SUSD4: variants seen among roughly 807,000 people sequenced by gnomAD.
SUSD4 encodes sushi domain-containing protein 4.
Under a neutral mutation model 50.5 loss-of-function variants are expected in SUSD4, and 41 were observed. That is an observed-to-expected ratio of 0.81 (90% confidence interval 0.63 to 1.05). The LOEUF (loss-of-function observed/expected upper bound fraction) is 1.05, where lower values mean the gene tolerates loss of function less well. Among genes scored for constraint, SUSD4 ranks in the 50% least tolerant of loss-of-function variants. The pLI, the probability that SUSD4 is intolerant of heterozygous loss-of-function variation, is 0.00. For synonymous variants in SUSD4, 257 were observed against 257.3 expected, an observed-to-expected ratio of 1.00 and a Z score of 0.01; for missense variants, 580 against 634.7, an observed-to-expected ratio of 0.91 and a Z score of 0.93.
chr1:223,221,057 A>G lies in SUSD4; in HGVS notation c.*1135T>C, dbSNP rs1207046822. On this transcript the variant is annotated 3_prime_UTR_variant, in exon 9 of 9. Transcript: ENST00000366878. Reference sequence around the variant, plus strand: ...TTAATCAATCAGTTTCTTAGGAACAACACCCAGTGGGCATGATGAGACCCT... The same window carrying G: ...TTAATCAATCAGTTTCTTAGGAACAGCACCCAGTGGGCATGATGAGACCCT... 3 of 400,866 alleles carry G rather than the reference A, an allele frequency of 7.5e-6. No homozygotes were observed. The highest frequency in any genetic ancestry group is 1.3e-5 in the Non-Finnish European group (3 of 226,256). 24.8% of individuals were successfully genotyped at this position (400,866 alleles called of 1,614,324 possible). A position where few individuals can be genotyped will look rare whatever the true frequency, so the allele number is the denominator to read the frequency against.
Position 223,264,746 on chromosome 1 carries a change from C to T in SUSD4, c.608G>A (p.Gly203Glu), listed in dbSNP as rs775824594. 1 of 1,614,118 alleles carries T rather than the reference C, an allele frequency of 6.2e-7. No individual in the cohort carries two copies. Among genetic ancestry groups the T allele is most frequent in the Non-Finnish European group, 8.5e-7 (1 of 1,180,014 alleles). ...AAAGCAGCGATAGGAGATCACAGTC[C>T]CCACCGGGAAGGAGGTCTGGAGCTC... ...ISELQTSFPV[G>E]TVISYRCFPG... Residue 203 changes from glycine to glutamate, a missense_variant, in exon 5 of 9, where the codon GGG (glycine) becomes GAG (glutamate). Transcript: ENST00000366878.
chr1:223,247,340 G>A (rs1415721845), intron 5 of SUSD4, among the ~76,000 whole-genome samples: 2 of 152,180 alleles, frequency 1.3e-5, no homozygotes, highest in African/African-American at 4.8e-5. Context: ...TTCTCTGGCT[G>A]CCTAGAATGG....
At chr1:223,273,057 A>C (rs1320577226) in intron 3 of SUSD4, among the ~76,000 whole-genome samples, 1 of 152,226 alleles carries the variant, frequency 6.6e-6, no homozygotes, top group African/African-American at 2.4e-5. Flanking sequence ...CCCCTGAGGA[A>C]ATGACATTTA....
intron 3 of SUSD4, among the ~76,000 whole-genome samples, chr1:223,270,785 T>G (rs1662862338): frequency 6.6e-6 from 1 of 152,162 alleles, no homozygotes; most frequent in Non-Finnish European, 1.5e-5. Context: ...GCCAGGATGT[T>G]CTCGAACTCC....
At chr1:223,230,861 TACA>T (rs1304398683) in intron 5 of SUSD4, 2 of 152,184 alleles carry the variant, frequency 1.3e-5, no homozygotes, top group African/African-American at 2.4e-5. Flanking sequence ...TCCTCAGCTG[TACA>T]ACAAGAGTCT....
At chr1:223,298,147 T>C (rs976224440) in intron 2 of SUSD4, among the ~76,000 whole-genome samples, 2 of 151,558 alleles carry the variant, frequency 1.3e-5, no homozygotes, top group African/African-American at 4.9e-5. Context: ...GATGGATGGA[T>C]GGGTTGGATT....
chr1:223,314,419 G>T (rs145843078), intron 2 of SUSD4, among the ~76,000 whole-genome samples: 1 of 152,274 alleles, frequency 6.6e-6, no homozygotes, highest in Non-Finnish European at 1.5e-5. Flanking sequence ...TAGGATGCTC[G>T]TTGGTGAGCA....
chr1:223,248,057 C>T (rs1661059672), intron 5 of SUSD4, among the ~76,000 whole-genome samples: 1 of 152,182 alleles, frequency 6.6e-6, no homozygotes, highest in Admixed American at 6.5e-5. Flanking sequence ...AACACCTACT[C>T]AATCAGAAAC....
At chr1:223,355,359 C>G (rs1668602689) in intron 2 of SUSD4, among the ~76,000 whole-genome samples, 2 of 152,084 alleles carry the variant, frequency 1.3e-5, no homozygotes, top group Non-Finnish European at 2.9e-5. Context: ...CAGGCATGAG[C>G]CACCGTGCCC....
intron 5 of SUSD4, among the ~76,000 whole-genome samples, chr1:223,235,657 C>A (rs980322398): frequency 6.6e-6 from 1 of 152,010 alleles, no homozygotes; most frequent in African/African-American, 2.4e-5. Flanking sequence ...TAGTAATATG[C>A]ATTTGAAGTT....
At chr1:223,299,180 C>T (rs1665026938) in intron 2 of SUSD4, among the ~76,000 whole-genome samples, 1 of 152,206 alleles carries the variant, frequency 6.6e-6, no homozygotes, top group Admixed American at 6.5e-5. Context: ...TAGTGTGCTT[C>T]CATAATGACA....
At chr1:223,360,083 C>T (rs1484421613) in intron 2 of SUSD4, 4 of 407,762 alleles carry the variant, frequency 9.8e-6, no homozygotes, top group South Asian at 5.7e-5. Context: ...AAATTAGGCA[C>T]CGTCATCCTC....
At chr1:223,314,733 CCAT>C (rs1388647301) in intron 2 of SUSD4, among the ~76,000 whole-genome samples, 1 of 152,178 alleles carries the variant, frequency 6.6e-6, no homozygotes, top group African/African-American at 2.4e-5. Context: ...TTGTCTACCA[CCAT>C]GTGAGACGTC....
At chr1:223,305,685 T>C (rs1351068633) in intron 2 of SUSD4, among the ~76,000 whole-genome samples, 2 of 152,226 alleles carry the variant, frequency 1.3e-5, no homozygotes, top group African/African-American at 4.8e-5. Flanking sequence ...AAAGCAAGAC[T>C]GGGCTAGTTA....
At position 223,220,904 on chromosome 1, in the gene SUSD4, T is replaced by C. The variant is rs952185279; in HGVS notation, c.*1288A>G. The C allele has an allele frequency of 1.5e-5, 6 of 399,042 alleles. No homozygotes were observed. The highest frequency in any genetic ancestry group is 1.0e-4 in the African/African-American group (5 of 48,710). 24.7% of individuals were successfully genotyped at this position (399,042 alleles called of 1,614,324 possible). ...ATCAAGCTTCCAGCCCTCACCACTC[T>C]ATCAGCATAGCAATTTTAAGGATCA... On this transcript the variant is annotated 3_prime_UTR_variant, in exon 9 of 9. Coordinates refer to ENST00000366878, the MANE Select transcript of SUSD4 (RefSeq NM_017982.4).
At chr1:223,331,335 C>T (rs1416795000) in intron 2 of SUSD4, among the ~76,000 whole-genome samples, 1 of 152,194 alleles carries the variant, frequency 6.6e-6, no homozygotes. Context: ...TAGCACAGAA[C>T]ATTGCCCTGG....
At chr1:223,226,613 GA>G (rs1452271846) in intron 7 of SUSD4, among the ~76,000 whole-genome samples, 1 of 152,232 alleles carries the variant, frequency 6.6e-6, no homozygotes. Flanking sequence ...AGGGAAGAGA[GA>G]AGTGGTTAAT....
intron 3 of SUSD4, among the ~76,000 whole-genome samples, chr1:223,283,323 A>G (rs900890256): frequency 1.6e-4 from 24 of 152,232 alleles, no homozygotes; most frequent in African/African-American, 5.5e-4. Context: ...AATTTTTGCA[A>G]TCTACTCATC....
chr1:223,224,862 CTTTTTTTTTTTT>C (rs11345619), intron 7 of SUSD4, among the ~76,000 whole-genome samples: 35 of 59,288 alleles, frequency 5.9e-4, no homozygotes, highest in Admixed American at 8.4e-4. Flanking sequence ...TGGTTTCTTC[CTTTTTTTTTTTT>C]TTTTTTTTTT....
Sources: gnomAD v4.1 joint callset for allele counts (sites outside exome capture counted in the v4.1 genomes callset) on GRCh38, gnomAD v4.1.1 for gene constraint, MANE v1.5 for transcripts, NCBI Gene and HGNC (gene_info 2026-07-23, HGNC 2026-07-21) for gene names.